Variants in MYO5A observed in about 807,000 individuals in gnomAD.
The protein encoded by MYO5A is unconventional myosin-Va.
A neutral mutation model predicts 249.7 loss-of-function variants in MYO5A; 98 were observed. The ratio of observed to expected loss-of-function variants is 0.39; its 90% CI spans 0.33 to 0.46. The LOEUF (loss-of-function observed/expected upper bound fraction) is 0.46. Ranked by LOEUF, MYO5A falls within the 20% of genes least tolerant of loss-of-function variation. The pLI is 0.98. For synonymous variants in MYO5A, 778 were observed against 810.6 expected, an observed-to-expected ratio of 0.96 and a Z score of 0.68; for missense variants, 1,696 against 2,308.8, an observed-to-expected ratio of 0.73 and a Z score of 5.44.
chr15:52,366,323 C>A (rs893371020), intron 23 of MYO5A, among the ~76,000 whole-genome samples: 1 of 151,878 alleles, frequency 6.6e-6, no homozygotes, highest in Non-Finnish European at 1.5e-5. Flanking sequence ...AACATTTTTG[C>A]CTTTTTTGAA....
At chr15:52,425,797 T>C in intron 4 of MYO5A, 33 bp downstream of exon 4, 1 of 1,609,378 alleles carries the variant, frequency 6.2e-7, no homozygotes, top group East Asian at 2.2e-5. Context: ...ATCTAATAAC[T>C]GCCATAAAAT....
At chr15:52,423,972 T>C (rs1239835429) in intron 4 of MYO5A, among the ~76,000 whole-genome samples, 1 of 152,266 alleles carries the variant, frequency 6.6e-6, no homozygotes. Context: ...AAGAGTCATA[T>C]AATTCTCTGA....
intron 32 of MYO5A, among the ~76,000 whole-genome samples, chr15:52,338,120 T>C (rs2039204615): frequency 6.6e-6 from 1 of 151,870 alleles, no homozygotes; most frequent in African/African-American, 2.4e-5. Context: ...GTGGCCAGGA[T>C]GCCATCACTT....
chr15:52,336,600 C>A lies in MYO5A; in HGVS notation c.4315-44G>T, dbSNP rs1043284286. The A allele has an allele frequency of 2.1e-6, 3 of 1,400,126 alleles. No individual in the cohort carries two copies. The African/African-American group carries it at 4.3e-5, about 20-fold the overall frequency. 86.7% of individuals were successfully genotyped at this position (1,400,126 alleles called of 1,614,324 possible). A position where few individuals can be genotyped will look rare whatever the true frequency, so the allele number is the denominator to read the frequency against. On this transcript the variant is annotated intron_variant, in intron 33 of 41. Transcript: ENST00000399233. ...AATATATTAGAAAAATCGAAACAGG[C>A]CTTCTAAAATGCATCAAAGGAAAAT...
intron 1 of MYO5A, chr15:52,505,341 T>C: frequency 1.3e-6 from 1 of 778,052 alleles, no homozygotes; most frequent in Non-Finnish European, 2.4e-6. Flanking sequence ...ACTTGTGTCA[T>C]GCTCTATGTT....
At chr15:52,487,363 C>T (rs2076843301) in intron 1 of MYO5A, among the ~76,000 whole-genome samples, 2 of 151,984 alleles carry the variant, frequency 1.3e-5, no homozygotes, top group Non-Finnish European at 2.9e-5. Context: ...CTGCAGTGAG[C>T]CATGATCACA....
intron 10 of MYO5A, among the ~76,000 whole-genome samples, 164 bp from the exon 11 acceptor site, chr15:52,396,561 G>T (rs942165081): frequency 8.6e-5 from 13 of 151,832 alleles, no homozygotes; most frequent in Admixed American, 7.2e-4. Context: ...CAGTAACAAG[G>T]AATATGTACC....
At chr15:52,518,709 G>A (rs1218387642) in intron 1 of MYO5A, among the ~76,000 whole-genome samples, 1 of 152,150 alleles carries the variant, frequency 6.6e-6, no homozygotes, top group African/African-American at 2.4e-5. Context: ...GACCAGTATG[G>A]TAAGCTAAAA....
chr15:52,394,494 G>A (rs867025441), intron 11 of MYO5A, among the ~76,000 whole-genome samples: 18 of 152,316 alleles, frequency 1.2e-4, no homozygotes, highest in African/African-American at 3.8e-4. Context: ...AGCTTGAGGT[G>A]GAGAAGATGT....
chr15:52,483,167 C>T (rs2076749346), intron 1 of MYO5A, among the ~76,000 whole-genome samples: 1 of 152,192 alleles, frequency 6.6e-6, no homozygotes, highest in African/African-American at 2.4e-5. Context: ...CTTTTCCATA[C>T]TTGTTACAGA....
chr15:52,342,148 G>T (rs2039409659), intron 31 of MYO5A, among the ~76,000 whole-genome samples: 1 of 152,134 alleles, frequency 6.6e-6, no homozygotes, highest in African/African-American at 2.4e-5. Context: ...TTGAGCCCAG[G>T]AGTTTGACAC....
chr15:52,489,819 G>A (rs1407255493), intron 1 of MYO5A, among the ~76,000 whole-genome samples: 7 of 152,146 alleles, frequency 4.6e-5, no homozygotes, highest in Non-Finnish European at 8.8e-5. Flanking sequence ...AGTGAGACCT[G>A]TCTCTAAGTA....
At chr15:52,513,355 C>T (rs112834368) in intron 1 of MYO5A, among the ~76,000 whole-genome samples, 2 of 148,150 alleles carry the variant, frequency 1.3e-5, no homozygotes, top group African/African-American at 2.5e-5. Context: ...AGCCTGAACC[C>T]GGGAGGCAGA....
chr15:52,384,327 G>A lies in MYO5A; in HGVS notation c.1753-5C>T, dbSNP rs745462202. ...TAGTTCTGGTAGCATCTTAAACTAA[G>A]TCAGAAACAATATAAAGAAATTACA... On this transcript the variant is annotated splice_polypyrimidine_tract_variant and splice_region_variant and intron_variant, in intron 14 of 41. Coordinates refer to ENST00000399233, the MANE Select transcript of MYO5A (RefSeq NM_001382347.1). The A allele has an allele frequency of 6.2e-7, 1 of 1,613,914 alleles. No homozygotes were observed. The highest frequency in any genetic ancestry group is 1.7e-5 in the Admixed American group (1 of 60,030).
At chr15:52,387,753 A>T (rs931312545) in intron 14 of MYO5A, 76 bp downstream of exon 14, 17 of 1,186,650 alleles carry the variant, frequency 1.4e-5, no homozygotes, top group Non-Finnish European at 1.7e-5. Flanking sequence ...GATTTTTGTT[A>T]AAAAAATCAT....
chr15:52,502,481 G>C (rs1195991261), intron 1 of MYO5A, among the ~76,000 whole-genome samples: 5 of 152,132 alleles, frequency 3.3e-5, no homozygotes, highest in African/African-American at 1.2e-4. Context: ...TGCTGTAATT[G>C]CAGACTTGCC....
At chr15:52,383,290 C>T in intron 15 of MYO5A, 102 bp from the exon 16 acceptor site, 1 of 965,176 alleles carries the variant, frequency 1.0e-6, no homozygotes, top group South Asian at 1.3e-5. Context: ...ATGGAGAAAA[C>T]TTTGCCACTT....
At chr15:52,373,582 A>G (rs763156498) in intron 20 of MYO5A, among the ~76,000 whole-genome samples, 14 of 152,288 alleles carry the variant, frequency 9.2e-5, no homozygotes, top group South Asian at 6.2e-4. Flanking sequence ...AAGGAGCACT[A>G]ATGTGATGGC....
intron 1 of MYO5A, among the ~76,000 whole-genome samples, chr15:52,509,871 T>C (rs906825416): frequency 2.0e-5 from 3 of 150,996 alleles, no homozygotes; most frequent in African/African-American, 7.3e-5. Flanking sequence ...ATCTGTGCCA[T>C]TCTCCTTCTC....
Sources: allele counts gnomAD v4.1 joint callset (sites outside exome capture counted in the v4.1 genomes callset), GRCh38; gene constraint gnomAD v4.1.1; transcripts MANE v1.5; gene names NCBI Gene and HGNC (gene_info 2026-07-23, HGNC 2026-07-21).